Variants in AGBL1 observed in about 807,000 individuals in gnomAD.
The protein encoded by AGBL1 is AGBL carboxypeptidase 1, also known as cytosolic carboxypeptidase 4.
Under a neutral mutation model 118.9 loss-of-function variants are expected in AGBL1, and 130 were observed. That is an observed-to-expected ratio of 1.09 (90% CI 0.95 to 1.26). AGBL1 has a LOEUF of 1.26. Among genes scored for constraint, AGBL1 ranks in the 50% most tolerant of loss-of-function variants. The pLI is 0.00. For synonymous variants in AGBL1, 555 were observed against 478.9 expected (o/e 1.16, Z -2.08); for missense variants, 1,584 against 1,298.1 (o/e 1.22, Z -3.38).
chr15:86,995,316 G>A (rs1040615725), intron 24 of AGBL1, among the ~76,000 whole-genome samples: 11 of 152,132 alleles, frequency 7.2e-5, no homozygotes, highest in African/African-American at 2.7e-4. Flanking sequence ...AGCCCGGGAG[G>A]TCAAGGCTGT....
rs2080103064 is a variant in AGBL1, at chr15:86,895,053, C to G, written c.3159-12034C>G. ...TCATATCCATCCCCTTTTGTTCCTT[C>G]TTTCTTTTATCTTCCCTCCTTCCCT... On this transcript the variant is annotated intron_variant, in intron 22 of 22. Coordinates refer to ENST00000614907, the MANE Select transcript of AGBL1 (RefSeq NM_001386094.1). 2.1e-5 allele frequency among the ~76,000 whole-genome samples: 3 copies of G among 144,690 alleles called. No homozygotes were observed. The South Asian group carries it at 6.4e-4, about 31-fold the overall frequency. The allele number at this position is 144,690 out of a possible 152,430, so 94.9% of individuals were successfully genotyped here. A position where few individuals can be genotyped will look rare whatever the true frequency, so the allele number is the denominator to read the frequency against.
chr15:86,949,299 ACAGT>A (rs2080855573), intron 23 of AGBL1, among the ~76,000 whole-genome samples: 1 of 152,208 alleles, frequency 6.6e-6, no homozygotes, highest in South Asian at 2.1e-4. Flanking sequence ...GACATCAGAA[ACAGT>A]CAGGAGTTTT....
At chr15:86,112,378 C>G (rs929358209) in intron 1 of AGBL1, among the ~76,000 whole-genome samples, 1 of 152,188 alleles carries the variant, frequency 6.6e-6, no homozygotes, top group African/African-American at 2.4e-5. Flanking sequence ...ACATGCTACA[C>G]ATACATTTTT....
intron 21 of AGBL1, among the ~76,000 whole-genome samples, chr15:86,664,505 A>G (rs1596348963): frequency 6.6e-6 from 1 of 152,152 alleles, no homozygotes; most frequent in Non-Finnish European, 1.5e-5. Flanking sequence ...CTTTCAACTC[A>G]TGCTGGCTCT....
intron 21 of AGBL1, among the ~76,000 whole-genome samples, chr15:86,583,261 C>G (rs551380035): frequency 2.2e-4 from 33 of 152,042 alleles, no homozygotes; most frequent in African/African-American, 8.0e-4. Flanking sequence ...CTCCTGCCAC[C>G]AAGGTACTGG....
intron 6 of AGBL1, among the ~76,000 whole-genome samples, chr15:86,243,777 G>A (rs1282936874): frequency 6.6e-6 from 1 of 152,140 alleles, no homozygotes; most frequent in African/African-American, 2.4e-5. Flanking sequence ...GGGAGGCCAA[G>A]GTGAGTGGAT....
At chr15:86,714,079 A>T (rs2142698404) in intron 22 of AGBL1, among the ~76,000 whole-genome samples, 1 of 152,294 alleles carries the variant, frequency 6.6e-6, no homozygotes, top group South Asian at 2.1e-4. Flanking sequence ...ACCAGCTATG[A>T]GGCATAGGAG....
intron 5 of AGBL1, among the ~76,000 whole-genome samples, chr15:86,209,518 TATTTAGG>T (rs1180000445): frequency 1.3e-5 from 2 of 152,204 alleles, no homozygotes; most frequent in African/African-American, 2.4e-5. Context: ...GGTGCATATA[TATTTAGG>T]ATAGTTAGCT....
intron 22 of AGBL1, among the ~76,000 whole-genome samples, chr15:86,746,185 T>C (rs1487228299): frequency 6.6e-6 from 1 of 152,112 alleles, no homozygotes; most frequent in Non-Finnish European, 1.5e-5. Context: ...TCGCTCTTAT[T>C]GACAAGATGA....
chr15:86,861,027 T>A (rs1251495896), intron 22 of AGBL1, among the ~76,000 whole-genome samples: 1 of 152,062 alleles, frequency 6.6e-6, no homozygotes. Context: ...GTGATGGGCC[T>A]TCTTAAGGAG....
At chr15:86,760,153 T>C (rs2078003460) in intron 22 of AGBL1, among the ~76,000 whole-genome samples, 1 of 152,108 alleles carries the variant, frequency 6.6e-6, no homozygotes, top group African/African-American at 2.4e-5. Context: ...ATTAAGAGAA[T>C]GAGGCCCTGG....
intron 5 of AGBL1, among the ~76,000 whole-genome samples, chr15:86,184,078 A>G (rs1294619107): frequency 6.6e-6 from 1 of 152,202 alleles, no homozygotes; most frequent in African/African-American, 2.4e-5. Context: ...AAGTGTTATA[A>G]TGTCTTATTG....
intron 22 of AGBL1, among the ~76,000 whole-genome samples, chr15:86,846,186 G>T (rs980377425): frequency 6.6e-6 from 1 of 152,062 alleles, no homozygotes; most frequent in African/African-American, 2.4e-5. Flanking sequence ...AGTATTTCCT[G>T]TATGACATCT....
At chr15:86,369,725 C>T (rs1015201637) in intron 17 of AGBL1, among the ~76,000 whole-genome samples, 1 of 152,002 alleles carries the variant, frequency 6.6e-6, no homozygotes, top group Non-Finnish European at 1.5e-5. Flanking sequence ...ACCAAACAAG[C>T]TTGTGCAGTA....
At chr15:86,671,624 G>T (rs1392090306) in intron 21 of AGBL1, among the ~76,000 whole-genome samples, 1 of 152,104 alleles carries the variant, frequency 6.6e-6, no homozygotes, top group Non-Finnish European at 1.5e-5. Flanking sequence ...TTTATATCCA[G>T]AGATATGAAT....
At chr15:86,667,176 C>G in intron 21 of AGBL1, among the ~76,000 whole-genome samples, 1 of 151,642 alleles carries the variant, frequency 6.6e-6, no homozygotes, top group East Asian at 1.9e-4. Context: ...TATTTCTGAA[C>G]ATAAATTTTT....
chr15:86,459,366 G>A (rs2082301420), intron 18 of AGBL1, among the ~76,000 whole-genome samples: 3 of 152,070 alleles, frequency 2.0e-5, no homozygotes, highest in African/African-American at 7.2e-5. Context: ...AAGCCACAAC[G>A]AGTGACAAAT....
At chr15:86,983,053 C>A (rs1390361012) in intron 23 of AGBL1, among the ~76,000 whole-genome samples, 1 of 152,102 alleles carries the variant, frequency 6.6e-6, no homozygotes, top group Non-Finnish European at 1.5e-5. Flanking sequence ...ACTATTATCA[C>A]ACCTTTTTTT....
At chr15:86,576,190 GA>G (rs2084089107) in intron 21 of AGBL1, among the ~76,000 whole-genome samples, 1 of 152,124 alleles carries the variant, frequency 6.6e-6, no homozygotes, top group Non-Finnish European at 1.5e-5. Flanking sequence ...TCATCAGAAA[GA>G]AAAGGGGGCT....
Sources: allele counts gnomAD v4.1 joint callset (sites outside exome capture counted in the v4.1 genomes callset), GRCh38; gene constraint gnomAD v4.1.1; transcripts MANE v1.5; gene names NCBI Gene and HGNC (gene_info 2026-07-23, HGNC 2026-07-21).